The following SLC22A23 variants were observed in gnomAD, a reference collection of about 807,000 sequenced individuals.
The protein encoded by SLC22A23 is solute carrier family 22 member 23.
In SLC22A23, 26 loss-of-function variants were observed where a neutral mutation model predicts 61.0. The ratio of observed to expected loss-of-function variants is 0.43; its 90% CI spans 0.31 to 0.59. SLC22A23 has a LOEUF of 0.59. Among genes scored for constraint, SLC22A23 ranks in the 20% least tolerant of loss-of-function variants. SLC22A23 has a pLI of 0.11. For synonymous variants in SLC22A23, 430 were observed against 413.9 expected (o/e 1.04, Z -0.47); for missense variants, 796 against 934.7 (o/e 0.85, Z 1.94).
rs1290119177 is a variant in SLC22A23 at position 3,327,778 on chromosome 6, C to T, written c.914-3776G>A. Among the ~76,000 whole-genome samples the T allele has an allele frequency of 6.6e-6, 1 of 152,074 alleles. No individual in the cohort carries two copies. Among genetic ancestry groups the T allele is most frequent in the Non-Finnish European group, 1.5e-5 (1 of 68,016 alleles). ...TAACGAGATATCTTGGGCAAGGGAC[C>T]CAAGTCTAAAAACAAAATTCATTTA... On this transcript the variant is annotated intron_variant, in intron 3 of 9. Transcript: ENST00000406686. This position sits in a 1 kb window ranked among gnomAD's most constrained non-coding sequence, Gnocchi z 4.1.
intron 3 of SLC22A23, among the ~76,000 whole-genome samples, chr6:3,343,135 G>A (rs1032442220): frequency 1.3e-5 from 2 of 152,224 alleles, no homozygotes; most frequent in African/African-American, 4.8e-5. Context: ...TTTCTAGGTA[G>A]ATGGGGGAGT....
At chr6:3,339,910 C>A (rs71552173) in intron 3 of SLC22A23, among the ~76,000 whole-genome samples, 2 of 152,148 alleles carry the variant, frequency 1.3e-5, no homozygotes, top group Non-Finnish European at 2.9e-5. Context: ...GGACTGGCCC[C>A]GAACTCTTTC....
chr6:3,293,954 C>G (rs946518502), intron 5 of SLC22A23, among the ~76,000 whole-genome samples: 3 of 152,134 alleles, frequency 2.0e-5, no homozygotes, highest in African/African-American at 7.2e-5. Flanking sequence ...TTGGCTTCTC[C>G]GGGGTGAGGT....
rs770163879 is a variant in SLC22A23, at chr6:3,451,545, T to TTTTTG, written c.654+4356_654+4360dup. On this transcript the variant is annotated intron_variant, in intron 1 of 9. Transcript: ENST00000406686. ...TTTGCAAGTCCATGGAGTCTTTGTT[T>TTTTTG]TTTTGTTTTGTTTTGTTTTGTTTTA... Among the ~76,000 whole-genome samples, 18 of 152,170 alleles carry TTTTTG rather than the reference T, an allele frequency of 1.2e-4. No homozygotes were observed. The East Asian group carries it at 1.3e-3, about 11-fold the overall frequency.
intron 3 of SLC22A23, among the ~76,000 whole-genome samples, chr6:3,331,800 A>C (rs1763594612): frequency 6.6e-6 from 1 of 152,202 alleles, no homozygotes; most frequent in African/African-American, 2.4e-5. Context: ...AGCCAAGGAG[A>C]GGAACGACTT....
chr6:3,437,676 G>A (rs974974715), intron 1 of SLC22A23, among the ~76,000 whole-genome samples: 4 of 151,142 alleles, frequency 2.6e-5, no homozygotes, highest in Non-Finnish European at 5.9e-5. Flanking sequence ...GTGACAGAGC[G>A]AGACTCCGTC....
chr6:3,273,236 G>A lies in SLC22A23; in HGVS notation c.1880C>T (p.Pro627Leu). The stretch of plus-strand genomic sequence containing the variant: ...GTGCTCCCCGTTAGAAATGTTCTCA[G>A]GCAGGTTCTGGTCCCTGCTCTCGGG... ...LLPESRDQNL[P>L]ENISNGEHYT... Residue 627 changes from proline to leucine, a missense_variant, in exon 10 of 10, where the codon CCT becomes CTT. Pro to Leu is a moderately conservative substitution (Grantham distance 98). Coordinates refer to ENST00000406686, the MANE Select transcript of SLC22A23 (RefSeq NM_015482.2). 6.2e-7 allele frequency: 1 copy of A among 1,612,966 alleles called. No homozygotes were observed. Among genetic ancestry groups the A allele is most frequent in the South Asian group, 1.1e-5 (1 of 91,036 alleles).
intron 5 of SLC22A23, among the ~76,000 whole-genome samples, chr6:3,295,813 G>C (rs2127349595): frequency 6.6e-6 from 1 of 152,286 alleles, no homozygotes; most frequent in South Asian, 2.1e-4. Flanking sequence ...ACTGTGAAGG[G>C]CTGCGGGGCA....
intron 3 of SLC22A23, among the ~76,000 whole-genome samples, chr6:3,408,746 C>T (rs1451644292): frequency 6.6e-6 from 1 of 152,234 alleles, no homozygotes; most frequent in Non-Finnish European, 1.5e-5. Context: ...ATATTCTCTG[C>T]AGAGCTCCTG....
intron 1 of SLC22A23, among the ~76,000 whole-genome samples, chr6:3,436,448 T>C (rs1299518720): frequency 6.6e-6 from 1 of 152,194 alleles, no homozygotes; most frequent in Non-Finnish European, 1.5e-5. Context: ...TTCTGTATTT[T>C]TTTAAAGCAA....
chr6:3,398,716 G>A (rs576739750), intron 3 of SLC22A23, among the ~76,000 whole-genome samples: 2 of 151,870 alleles, frequency 1.3e-5, no homozygotes, highest in African/African-American at 4.8e-5. Context: ...GGTTTCTAGT[G>A]GGGTAGAGGT....
rs759381331 is a variant in SLC22A23, at chr6:3,410,375, T to C, written c.759-33A>G. ...TGGAGAGGGAAAAAGTTAGGAATCA[T>C]TGTGAAACAAGACAATGACGCTAGA... On this transcript the variant is annotated intron_variant, in intron 2 of 9. Transcript: ENST00000406686. The surrounding 1 kb of genome is among the most constrained non-coding windows in gnomAD (Gnocchi z 5.0). 45 of 1,547,100 alleles carry C rather than the reference T, an allele frequency of 2.9e-5. No individual in the cohort carries two copies. In the East Asian group the frequency reaches 7.2e-4, roughly 25 times the overall value.
chr6:3,430,113 C>T (rs1276533740), intron 1 of SLC22A23, among the ~76,000 whole-genome samples: 1 of 152,170 alleles, frequency 6.6e-6, no homozygotes, highest in Non-Finnish European at 1.5e-5. Flanking sequence ...AATGGGCTAG[C>T]CAGTATCCCA....
chr6:3,337,909 C>T (rs1214165781), intron 3 of SLC22A23, among the ~76,000 whole-genome samples: 1 of 152,194 alleles, frequency 6.6e-6, no homozygotes, highest in Non-Finnish European at 1.5e-5. Context: ...AGAGCAGATG[C>T]AGGAAAAGCT....
At chr6:3,444,564 G>A (rs1771783227) in intron 1 of SLC22A23, among the ~76,000 whole-genome samples, 4 of 152,192 alleles carry the variant, frequency 2.6e-5, no homozygotes, top group Admixed American at 2.6e-4. Flanking sequence ...CATAAACTCA[G>A]ATTTCTGGCC....
At chr6:3,434,265 A>G (rs1771058885) in intron 1 of SLC22A23, among the ~76,000 whole-genome samples, 1 of 152,092 alleles carries the variant, frequency 6.6e-6, no homozygotes, top group African/African-American at 2.4e-5. Flanking sequence ...GTGAGCTGAG[A>G]TCACGCCACT....
chr6:3,396,612 G>A (rs1174598806), intron 3 of SLC22A23, among the ~76,000 whole-genome samples: 1 of 152,108 alleles, frequency 6.6e-6, no homozygotes, highest in African/African-American at 2.4e-5. Flanking sequence ...CAGGCAGCTG[G>A]ACATTGAGAG....
intron 4 of SLC22A23, among the ~76,000 whole-genome samples, chr6:3,299,535 G>T (rs1056053570): frequency 2.6e-5 from 4 of 152,144 alleles, no homozygotes; most frequent in Non-Finnish European, 5.9e-5. Context: ...AATCTTGTGA[G>T]GAGCCCCAAT....
At chr6:3,370,905 G>A (rs1766176663) in intron 3 of SLC22A23, among the ~76,000 whole-genome samples, 1 of 152,130 alleles carries the variant, frequency 6.6e-6, no homozygotes, top group Admixed American at 6.5e-5. Context: ...CCAGCAACGT[G>A]GCCTTGTTCT....
Sources: allele counts gnomAD v4.1 joint callset (sites outside exome capture counted in the v4.1 genomes callset), GRCh38; gene constraint gnomAD v4.1.1; non-coding constraint Gnocchi (gnomAD v3.1); transcripts MANE v1.5; gene names NCBI Gene and HGNC (gene_info 2026-07-23, HGNC 2026-07-21).